NDUFAF1: variants seen among roughly 807,000 people sequenced by gnomAD.
NDUFAF1 encodes complex I intermediate-associated protein 30, mitochondrial.
In NDUFAF1, 18 loss-of-function variants were observed where a neutral mutation model predicts 28.7. The ratio of observed to expected loss-of-function variants is 0.63; its 90% CI spans 0.43 to 0.93. The LOEUF (loss-of-function observed/expected upper bound fraction) is 0.93. Ranked by LOEUF, NDUFAF1 falls within the 40% of genes least tolerant of loss-of-function variation. NDUFAF1 has a pLI of 0.00. For synonymous variants in NDUFAF1, 113 were observed against 139.7 expected, an observed-to-expected ratio of 0.81 and a Z score of 1.35; for missense variants, 404 against 398.3, an observed-to-expected ratio of 1.01 and a Z score of -0.12.
At chr15:41,387,714 G>T in intron 4 of NDUFAF1, 121 bp from the exon 5 acceptor site, 3 of 755,832 alleles carry the variant, frequency 4.0e-6, no homozygotes, top group Non-Finnish European at 6.7e-6. Flanking sequence ...TCAGCCCTTA[G>T]CAAATACTAC....
Position 41,396,789 on chromosome 15 carries a change from T to C in NDUFAF1, c.271A>G (p.Ile91Val), listed in dbSNP as rs1348221711. The C allele has an allele frequency of 1.9e-6, 3 of 1,614,066 alleles. No homozygotes were observed. The highest frequency in any genetic ancestry group is 2.2e-5 in the East Asian group (1 of 44,896). ...SFDKAIRDEA[I>V]YHFRLLKDEI... ...TCCTTCAAAAGCCTAAAATGGTATA[T>C]TGCTTCATCTCTAATTGCTTTATCG... Residue 91 changes from isoleucine to valine, a missense_variant, in exon 2 of 5, where the codon ATA (isoleucine) becomes GTA (valine). Transcript: ENST00000260361.
chr15:41,393,769 C>T (rs1355691261), intron 3 of NDUFAF1, among the ~76,000 whole-genome samples: 1 of 150,834 alleles, frequency 6.6e-6, no homozygotes, highest in Non-Finnish European at 1.5e-5. Flanking sequence ...GACAGAGTTT[C>T]ACCATGTTGG....
At position 41,396,524 on chromosome 15, in the gene NDUFAF1, C is replaced by T. The variant is rs576430165; in HGVS notation, c.536G>A (p.Arg179Gln). Residue 179 changes from arginine to glutamine, a missense_variant, in exon 2 of 5, where the codon CGA becomes CAA. By Grantham distance (43) the Arg-to-Gln change is conservative. Transcript: ENST00000260361. ...GGATATCATTGCACAGTACCCACTT[C>T]GGGTAGACTCCCCGTCCTGAGGCGC... is the stretch of plus-strand genomic sequence containing the variant. ...SEAPQDGEST[R>Q]SGYCAMISRI... 3.5e-4 allele frequency: 565 copies of T among 1,614,178 alleles called. 8 individuals carry two copies. The South Asian group carries it at 5.7e-3, about 16-fold the overall frequency.
chr15:41,396,416 T>C, intron 2 of NDUFAF1, 71 bp downstream of exon 2: 1 of 1,458,492 alleles, frequency 6.9e-7, no homozygotes, highest in Non-Finnish European at 9.6e-7. Context: ...AAAAGCTATC[T>C]TCTATAGTTT....
At chr15:41,388,323 A>G (rs540777779) in intron 4 of NDUFAF1, 125 bp downstream of exon 4, 18 of 766,780 alleles carry the variant, frequency 2.3e-5, no homozygotes, top group East Asian at 7.7e-5. Flanking sequence ...CTGGCTGGGT[A>G]TAAGAGCAGT....
intron 3 of NDUFAF1, among the ~76,000 whole-genome samples, chr15:41,393,620 T>C (rs1595633661): frequency 7.3e-6 from 1 of 137,432 alleles, no homozygotes; most frequent in Non-Finnish European, 1.5e-5. Context: ...TCTCACTCTG[T>C]CGCCAGGCTG....
rs750164116 is a variant in NDUFAF1, at chr15:41,387,563, T to C, written c.865A>G (p.Lys289Glu). 25 of 1,611,298 alleles carry C rather than the reference T, an allele frequency of 1.6e-5. No individual in the cohort carries two copies. Among genetic ancestry groups the C allele is most frequent in the Middle Eastern group, 1.6e-4 (1 of 6,084 alleles). ...TCCAGGAAGAATGGACCATCCACTT[T>C]ATCAGCCAAGGTGAATCCTATAGAA... Reference protein sequence around the residue: ...ISSIGFTLADKVDGPFFLEID... With the variant: ...ISSIGFTLADEVDGPFFLEID... Residue 289 changes from lysine to glutamate, a missense_variant, in exon 5 of 5, where the codon AAA (lysine) becomes GAA (glutamate). Lys to Glu is a moderately conservative substitution (Grantham distance 56, BLOSUM62 1). Coordinates refer to ENST00000260361, the MANE Select transcript of NDUFAF1 (RefSeq NM_016013.4).
chr15:41,402,590 C>G (rs773746516), upstream of NDUFAF1: 3 of 228,784 alleles, frequency 1.3e-5, no homozygotes, highest in Admixed American at 1.3e-4. Flanking sequence ...CAGCAAGGAC[C>G]CCGTAGCCCA....
At chr15:41,398,479 G>C (rs373639295) in intron 1 of NDUFAF1, among the ~76,000 whole-genome samples, 1 of 142,664 alleles carries the variant, frequency 7.0e-6, no homozygotes, top group South Asian at 2.4e-4. Context: ...AAAATTCCAT[G>C]TGAAAAAAAA....
intron 3 of NDUFAF1, among the ~76,000 whole-genome samples, chr15:41,393,721 C>T (rs1159389467): frequency 6.6e-6 from 1 of 151,778 alleles, no homozygotes; most frequent in African/African-American, 2.4e-5. Flanking sequence ...GCTGGGACGA[C>T]GCCACCACAC....
intron 3 of NDUFAF1, 46 bp from the exon 4 acceptor site, chr15:41,388,568 G>A: frequency 8.4e-7 from 1 of 1,193,188 alleles, no homozygotes; most frequent in Non-Finnish European, 1.3e-6. Context: ...GTAAGCAATT[G>A]AGGCATCTGC....
intron 3 of NDUFAF1, chr15:41,394,297 G>C (rs1468026279): frequency 5.8e-6 from 7 of 1,215,622 alleles, no homozygotes; most frequent in Non-Finnish European, 7.6e-6. Flanking sequence ...GCCTCCCAAA[G>C]TGCTGGGATT....
At chr15:41,400,892 C>T (rs552375767) in intron 1 of NDUFAF1, among the ~76,000 whole-genome samples, 1 of 151,692 alleles carries the variant, frequency 6.6e-6, no homozygotes, top group African/African-American at 2.4e-5. Context: ...CATCCACACA[C>T]AAATCCTATG....
Position 41,400,570 on chromosome 15 carries a change from T to C in NDUFAF1, c.-82+1574A>G, listed in dbSNP as rs1218001531. ...CAGAGTCTCACTCTGTCACCCAGGC[T>C]GGAGTGCAGTGGCACGATCTCGGCT... On this transcript the variant is annotated intron_variant, in intron 1 of 4. Coordinates refer to ENST00000260361, the MANE Select transcript of NDUFAF1 (RefSeq NM_016013.4). 2.6e-5 allele frequency among the ~76,000 whole-genome samples: 4 copies of C among 151,446 alleles called. No homozygotes were observed. The East Asian group carries it at 7.9e-4, about 30-fold the overall frequency.
intron 3 of NDUFAF1, 37 bp downstream of exon 3, chr15:41,394,822 C>T (rs1214303399): frequency 6.2e-7 from 1 of 1,608,314 alleles, no homozygotes; most frequent in Non-Finnish European, 8.5e-7. Context: ...CCAGCCAAGA[C>T]CTCATTTTTA....
intron 2 of NDUFAF1, 59 bp downstream of exon 2, chr15:41,396,428 T>G (rs905013924): frequency 2.5e-5 from 38 of 1,508,146 alleles, no homozygotes; most frequent in Non-Finnish European, 3.3e-5. Flanking sequence ...CTATAGTTTA[T>G]GCTACAATGA....
At chr15:41,397,691 G>A (rs1251846582) in intron 1 of NDUFAF1, among the ~76,000 whole-genome samples, 1 of 150,632 alleles carries the variant, frequency 6.6e-6, no homozygotes, top group African/African-American at 2.5e-5. Flanking sequence ...CCCAGCTACT[G>A]GGGAGGCTGA....
intron 3 of NDUFAF1, among the ~76,000 whole-genome samples, chr15:41,388,945 C>A (rs1024292035): frequency 3.3e-5 from 5 of 152,164 alleles, no homozygotes; most frequent in Middle Eastern, 3.4e-3. Context: ...AGAAACTGAA[C>A]TAAAAGAAAT....
At chr15:41,387,710 C>T (rs904448377) in intron 4 of NDUFAF1, 117 bp from the exon 5 acceptor site, 3 of 789,100 alleles carry the variant, frequency 3.8e-6, no homozygotes, top group Admixed American at 4.8e-5. Flanking sequence ...GCTATCAGCC[C>T]TTAGCAAATA....
Sources: gnomAD v4.1 joint callset for allele counts (sites outside exome capture counted in the v4.1 genomes callset) on GRCh38, gnomAD v4.1.1 for gene constraint, MANE v1.5 for transcripts, NCBI Gene and HGNC (gene_info 2026-07-23, HGNC 2026-07-21) for gene names.